Variants in LRRC72 observed in about 807,000 individuals in gnomAD.
LRRC72 encodes leucine-rich repeat-containing protein 72.
In LRRC72, 41 loss-of-function variants were observed where a neutral mutation model predicts 35.8. The ratio of observed to expected loss-of-function variants is 1.15; its 90% CI spans 0.89 to 1.49. The LOEUF is 1.49. Ranked by LOEUF, LRRC72 falls within the 40% of genes most tolerant of loss-of-function variation. LRRC72 has a pLI of 0.00. For missense variants in LRRC72, 389 were observed against 330.7 expected, an observed-to-expected ratio of 1.18 and a Z score of -1.37; for synonymous variants, 118 against 119.2, an observed-to-expected ratio of 0.99 and a Z score of 0.07.
intron 5 of LRRC72, among the ~76,000 whole-genome samples, chr7:16,559,385 C>A (rs1208039407): frequency 6.6e-6 from 1 of 151,454 alleles, no homozygotes; most frequent in African/African-American, 2.4e-5. Context: ...CAGAGCAAGA[C>A]CCTGTCTCAG....
intron 4 of LRRC72, among the ~76,000 whole-genome samples, chr7:16,558,572 T>G (rs1782690885): frequency 6.6e-6 from 1 of 151,994 alleles, no homozygotes; most frequent in African/African-American, 2.4e-5. Flanking sequence ...ATTGTGCCAT[T>G]GCACTCCAGC....
intron 3 of LRRC72, among the ~76,000 whole-genome samples, chr7:16,556,489 C>T (rs1310059482): frequency 6.6e-6 from 1 of 152,182 alleles, no homozygotes; most frequent in East Asian, 1.9e-4. Context: ...TATACTGTGC[C>T]TTGCCCTCTA....
At chr7:16,532,206 C>G (rs1782178404) in intron 1 of LRRC72, among the ~76,000 whole-genome samples, 1 of 151,996 alleles carries the variant, frequency 6.6e-6, no homozygotes, top group African/African-American at 2.4e-5. Flanking sequence ...TTGCCTCATA[C>G]AGAATAAAAA....
At chr7:16,574,324 A>T (rs747959727) in intron 7 of LRRC72, among the ~76,000 whole-genome samples, 1 of 152,260 alleles carries the variant, frequency 6.6e-6, no homozygotes, top group Non-Finnish European at 1.5e-5. Flanking sequence ...ATTATAAATC[A>T]TTCTACTATA....
At chr7:16,527,336 C>T (rs1782087681) in intron 1 of LRRC72, among the ~76,000 whole-genome samples, 1 of 152,108 alleles carries the variant, frequency 6.6e-6, no homozygotes, top group Non-Finnish European at 1.5e-5. Flanking sequence ...CCAGTCCACA[C>T]CAGTAGACTT....
intron 3 of LRRC72, among the ~76,000 whole-genome samples, chr7:16,554,222 C>T (rs574905643): frequency 2.6e-5 from 4 of 152,182 alleles, no homozygotes; most frequent in East Asian, 1.9e-4. Context: ...CCCAGCTACT[C>T]GGGAGGCTGA....
At chr7:16,576,314 T>A (rs1562755254) in intron 7 of LRRC72, among the ~76,000 whole-genome samples, 1 of 152,208 alleles carries the variant, frequency 6.6e-6, no homozygotes, top group Non-Finnish European at 1.5e-5. Context: ...AAATCTTACC[T>A]TATGGTGACA....
At chr7:16,577,772 A>G (rs1356387806) in intron 7 of LRRC72, among the ~76,000 whole-genome samples, 2 of 152,224 alleles carry the variant, frequency 1.3e-5, no homozygotes. Flanking sequence ...ATATACAAAG[A>G]AAGAAATGTA....
chr7:16,562,464 C>T lies in LRRC72; in HGVS notation c.427+3465C>T, dbSNP rs569341071. Among the ~76,000 whole-genome samples the T allele has an allele frequency of 2.0e-5, 3 of 152,372 alleles. No individual in the cohort carries two copies. In the South Asian group the frequency reaches 6.2e-4, roughly 32 times the overall value. On this transcript the variant is annotated intron_variant, in intron 5 of 8. Coordinates refer to ENST00000401542, the MANE Select transcript of LRRC72 (RefSeq NM_001195280.2). ...CTTTCTAATTTTCTGTTTTATTAAA[C>T]TCCACTGTTGGAAAGTATGCTTAAG...
chr7:16,527,010 G>T lies in LRRC72; in HGVS notation c.58G>T (p.Ala20Ser). 1 of 1,539,626 alleles carries T rather than the reference G, an allele frequency of 6.5e-7. No individual in the cohort carries two copies. Among genetic ancestry groups the T allele is most frequent in the Non-Finnish European group, 8.7e-7 (1 of 1,146,934 alleles). ...RTLRCWRLRR[A>S]SETALQSSRR... ...CTTGCGATGCTGGCGCCTACGGAGGGCATCCGAAACTGCCCTACAGAGCAG... is the reference window on the plus strand; with the variant it reads ...CTTGCGATGCTGGCGCCTACGGAGGTCATCCGAAACTGCCCTACAGAGCAG... Residue 20 changes from alanine (A) to serine (S), a missense_variant, in exon 1 of 9, where the codon GCA becomes TCA. Transcript: ENST00000401542.
At chr7:16,550,945 T>C (rs1008505795) in intron 3 of LRRC72, among the ~76,000 whole-genome samples, 4 of 152,222 alleles carry the variant, frequency 2.6e-5, no homozygotes, top group African/African-American at 9.6e-5. Flanking sequence ...GGAGTTTATA[T>C]TTGTTTGACT....
At chr7:16,557,300 A>G (rs1782666555) in intron 3 of LRRC72, 60 bp from the exon 4 acceptor site, 1 of 456,918 alleles carries the variant, frequency 2.2e-6, no homozygotes, top group East Asian at 4.1e-5. Flanking sequence ...GGTTATTTAT[A>G]TTGATGTAAT....
chr7:16,566,548 A>G (rs1344091851), intron 6 of LRRC72, 146 bp downstream of exon 6: 1 of 531,166 alleles, frequency 1.9e-6, no homozygotes, highest in Non-Finnish European at 3.1e-6. Context: ...TTTTTCAATT[A>G]TTTATTTTTG....
At chr7:16,566,946 A>AT (rs1158649719) in intron 6 of LRRC72, among the ~76,000 whole-genome samples, 1 of 151,734 alleles carries the variant, frequency 6.6e-6, no homozygotes, top group Non-Finnish European at 1.5e-5. Context: ...TTTGAGGCCT[A>AT]TTTTGCCCCC....
intron 3 of LRRC72, among the ~76,000 whole-genome samples, chr7:16,545,649 T>C (rs573836412): frequency 3.9e-5 from 6 of 152,312 alleles, no homozygotes; most frequent in Non-Finnish European, 5.9e-5. Flanking sequence ...TGGGCTCTTA[T>C]GTGTTTCTGT....
At chr7:16,534,627 A>C (rs1782221888) in intron 2 of LRRC72, among the ~76,000 whole-genome samples, 1 of 152,156 alleles carries the variant, frequency 6.6e-6, no homozygotes, top group Non-Finnish European at 1.5e-5. Context: ...TGGGTGACAG[A>C]GCGAGACTCA....
At chr7:16,548,015 A>G (rs913811873) in intron 3 of LRRC72, among the ~76,000 whole-genome samples, 35 of 152,176 alleles carry the variant, frequency 2.3e-4, no homozygotes, top group Non-Finnish European at 3.7e-4. Flanking sequence ...CCATGAACCA[A>G]TCAGCAAGCA....
At chr7:16,559,252 G>A (rs961299738) in intron 5 of LRRC72, among the ~76,000 whole-genome samples, 4 of 152,054 alleles carry the variant, frequency 2.6e-5, no homozygotes, top group African/African-American at 9.7e-5. Context: ...AAATTAGCCA[G>A]GCCTGGTGGC....
chr7:16,565,747 T>C (rs1248349808), intron 5 of LRRC72, among the ~76,000 whole-genome samples: 6 of 152,198 alleles, frequency 3.9e-5, no homozygotes, highest in Admixed American at 2.6e-4. Flanking sequence ...TGGCCAGAGG[T>C]AGACAAGATG....
Sources: allele counts gnomAD v4.1 joint callset (sites outside exome capture counted in the v4.1 genomes callset), GRCh38; gene constraint gnomAD v4.1.1; transcripts MANE v1.5; gene names NCBI Gene and HGNC (gene_info 2026-07-23, HGNC 2026-07-21).